Variants in BMPR2 observed in about 807,000 individuals in gnomAD.
The protein encoded by BMPR2 is bone morphogenetic protein receptor type 2.
A neutral mutation model predicts 100.8 loss-of-function variants in BMPR2; 29 were observed. The ratio of observed to expected loss-of-function variants is 0.29; its 90% confidence interval spans 0.21 to 0.39. BMPR2 has a LOEUF of 0.39. Among genes scored for constraint, BMPR2 ranks in the 10% least tolerant of loss-of-function variants. The probability of loss-of-function intolerance (pLI) is 1.00; values close to 1 mark genes in which losing one functional copy is unlikely to be tolerated. For missense variants in BMPR2, 1,011 were observed against 1,274.5 expected (o/e 0.79, Z 3.15); for synonymous variants, 382 against 442.3 (o/e 0.86, Z 1.71).
intron 1 of BMPR2, among the ~76,000 whole-genome samples, chr2:202,440,559 CG>C (rs1291272502): frequency 6.6e-6 from 1 of 150,598 alleles, no homozygotes; most frequent in African/African-American, 2.5e-5. Context: ...ACTTCCCAGA[CG>C]GGGTGGCGGC....
chr2:202,406,882 G>A (rs1345530928), intron 1 of BMPR2, among the ~76,000 whole-genome samples: 1 of 151,928 alleles, frequency 6.6e-6, no homozygotes, highest in Non-Finnish European at 1.5e-5. Flanking sequence ...TTAAGGTCTG[G>A]GTTAGTATAC....
intron 2 of BMPR2, among the ~76,000 whole-genome samples, chr2:202,466,651 G>A (rs1692328752): frequency 6.8e-6 from 1 of 148,016 alleles, no homozygotes; most frequent in African/African-American, 2.5e-5. Flanking sequence ...TCACTCTGTC[G>A]CTCAGGATAG....
intron 1 of BMPR2, among the ~76,000 whole-genome samples, chr2:202,463,198 C>T (rs1002435674): frequency 6.6e-6 from 1 of 151,832 alleles, no homozygotes; most frequent in Non-Finnish European, 1.5e-5. Flanking sequence ...CAGTGGTTTC[C>T]TGGGGTGGAA....
chr2:202,434,908 A>AAAAAATATATATAT (rs1559037398), intron 1 of BMPR2, among the ~76,000 whole-genome samples: 6 of 38,414 alleles, frequency 1.6e-4, no homozygotes, highest in Non-Finnish European at 2.6e-4. Context: ...AAAAAAAAAA[A>AAAAAATATATATAT]ATATATATAT....
intron 1 of BMPR2, among the ~76,000 whole-genome samples, chr2:202,396,795 A>ATTTTTTT (rs1356984637): frequency 6.2e-4 from 25 of 40,450 alleles, no homozygotes; most frequent in Non-Finnish European, 6.4e-4. Context: ...GCAAGAAACT[A>ATTTTTTT]TTTTTTTTTT....
In BMPR2 at chr2:202,565,048, C is replaced by CAAAAAAAAACA. The variant is rs1688737862; in HGVS notation, c.*5110_*5120dup. On this transcript the variant is annotated 3_prime_UTR_variant, in exon 13 of 13. Coordinates refer to ENST00000374580, the MANE Select transcript of BMPR2 (RefSeq NM_001204.7). ...TGGGCTACAGAGTGAGACTCCATCTCAAAAAAAAACAAAAAAAATCACCTC... is the reference window on the plus strand; with the variant it reads ...TGGGCTACAGAGTGAGACTCCATCTCAAAAAAAAACAAAAAAAAAACAAAAAAAATCACCTC... 1 of 147,602 alleles carries CAAAAAAAAACA rather than the reference C, an allele frequency of 6.8e-6. No homozygotes were observed. The highest frequency in any genetic ancestry group is 2.5e-5 in the African/African-American group (1 of 39,448). The allele number at this position is 147,602 out of a possible 1,614,324, so 9.1% of individuals were successfully genotyped here.
At position 202,416,004 on chromosome 2, in the gene BMPR2, C is replaced by T. The variant is rs550988371; in HGVS notation, c.76+38454C>T. 5.9e-5 allele frequency among the ~76,000 whole-genome samples: 9 copies of T among 152,318 alleles called. No homozygotes were observed. In the East Asian group the frequency reaches 1.5e-3, roughly 26 times the overall value. ...GAATCTGAGCAAAGTAAATGCAAAA[C>T]ATTCTGGAAGGAATTCACCATTCAA... On this transcript the variant is annotated intron_variant, in intron 1 of 12. Coordinates refer to ENST00000374580, the MANE Select transcript of BMPR2 (RefSeq NM_001204.7).
chr2:202,511,859 A>C (rs147428404), intron 3 of BMPR2, among the ~76,000 whole-genome samples: 33 of 152,148 alleles, frequency 2.2e-4, no homozygotes, highest in African/African-American at 7.7e-4. Flanking sequence ...ATCTCTACTA[A>C]AAATACAAAA....
At chr2:202,466,632 G>A (rs918671683) in intron 2 of BMPR2, among the ~76,000 whole-genome samples, 1 of 145,802 alleles carries the variant, frequency 6.9e-6, no homozygotes, top group Admixed American at 7.0e-5. Flanking sequence ...GTATTTTTGA[G>A]ACAGAATGTC....
intron 1 of BMPR2, among the ~76,000 whole-genome samples, chr2:202,392,791 G>A (rs572644953): frequency 6.6e-6 from 1 of 152,038 alleles, no homozygotes; most frequent in East Asian, 1.9e-4. Context: ...TCGGGAGTTC[G>A]AGACCAGCCT....
At chr2:202,447,994 CTTAT>C (rs1179831497) in intron 1 of BMPR2, among the ~76,000 whole-genome samples, 1 of 150,212 alleles carries the variant, frequency 6.7e-6, no homozygotes, top group Non-Finnish European at 1.5e-5. Flanking sequence ...TCATGGAATT[CTTAT>C]TTATTTGTTT....
chr2:202,437,605 G>C (rs1193499256), intron 1 of BMPR2, among the ~76,000 whole-genome samples: 1 of 150,328 alleles, frequency 6.7e-6, no homozygotes, highest in East Asian at 1.9e-4. Context: ...ATGTCCATTA[G>C]CAGTAATTCT....
At chr2:202,545,093 C>A (rs1336369289) in intron 10 of BMPR2, among the ~76,000 whole-genome samples, 1 of 150,654 alleles carries the variant, frequency 6.6e-6, no homozygotes, top group East Asian at 1.9e-4. Flanking sequence ...TCTTACCTTT[C>A]AATTCTTCCT....
intron 1 of BMPR2, among the ~76,000 whole-genome samples, chr2:202,401,027 A>G (rs1394310263): frequency 2.0e-5 from 3 of 152,228 alleles, no homozygotes; most frequent in Non-Finnish European, 4.4e-5. Flanking sequence ...AAAAATTCAA[A>G]TTGTGAAAGG....
At chr2:202,529,923 AT>A (rs1464778905) in intron 7 of BMPR2, among the ~76,000 whole-genome samples, 1 of 151,904 alleles carries the variant, frequency 6.6e-6, no homozygotes, top group African/African-American at 2.4e-5. Flanking sequence ...GTGCTATAGA[AT>A]TTTTTTTCAG....
Position 202,376,876 on chromosome 2 carries a change from C to T in BMPR2, c.-599C>T. On this transcript the variant is annotated 5_prime_UTR_variant, in exon 1 of 13. Transcript: ENST00000374580. ...GGGACTGTGAGCTTGTCCATGGAGG[C>T]AGGCACCTTTTTTGATCCAGTCAAG... 2.4e-6 allele frequency: 1 copy of T among 410,150 alleles called. No individual in the cohort carries two copies. The highest frequency in any genetic ancestry group is 4.3e-6 in the Non-Finnish European group (1 of 233,818). 25.4% of individuals were successfully genotyped at this position (410,150 alleles called of 1,614,324 possible).
chr2:202,415,234 C>A (rs1004891250), intron 1 of BMPR2, among the ~76,000 whole-genome samples: 20 of 151,988 alleles, frequency 1.3e-4, no homozygotes, highest in Non-Finnish European at 2.8e-4. Context: ...CTTTGGGAGG[C>A]CGAGGCGGGC....
Position 202,554,561 on chromosome 2 carries a change from A to G in BMPR2, c.1587-691A>G, listed in dbSNP as rs10200587. 6.7e-3 allele frequency among the ~76,000 whole-genome samples: 1,015 copies of G among 152,020 alleles called. 16 individuals are homozygous for G. The highest frequency in any genetic ancestry group is 0.023 in the African/African-American group (949 of 41,452). On this transcript the variant is annotated intron_variant, in intron 11 of 12. Transcript: ENST00000374580. Reference sequence around the variant, plus strand: ...TTCTTTTCCTTCTATCATCTCCCTTATAAATAACTGTCACTCCCAAGGAAT... The same window carrying G: ...TTCTTTTCCTTCTATCATCTCCCTTGTAAATAACTGTCACTCCCAAGGAAT...
At chr2:202,403,733 G>A (rs1005401058) in intron 1 of BMPR2, among the ~76,000 whole-genome samples, 2 of 152,112 alleles carry the variant, frequency 1.3e-5, no homozygotes, top group African/African-American at 2.4e-5. Flanking sequence ...ATTGCAGGGC[G>A]TGGTGGCTCA....
Sources: gnomAD v4.1 joint callset for allele counts (sites outside exome capture counted in the v4.1 genomes callset) on GRCh38, gnomAD v4.1.1 for gene constraint, MANE v1.5 for transcripts, NCBI Gene and HGNC (gene_info 2026-07-23, HGNC 2026-07-21) for gene names.